Variants in ANKS1B observed in about 807,000 individuals in gnomAD.
ANKS1B encodes ankyrin repeat and sterile alpha motif domain containing 1B, also known as ankyrin repeat and sterile alpha motif domain-containing protein 1B.
Under a neutral mutation model 148.3 loss-of-function variants are expected in ANKS1B, and 36 were observed. That is an observed-to-expected ratio of 0.24 (90% CI 0.19 to 0.32). ANKS1B has a LOEUF of 0.32. Ranked by LOEUF, ANKS1B falls within the 10% of genes least tolerant of loss-of-function variation. ANKS1B has a pLI of 1.00. For synonymous variants in ANKS1B, 542 were observed against 560.8 expected (o/e 0.97, Z 0.47); for missense variants, 1,157 against 1,542.6 (o/e 0.75, Z 4.19).
At chr12:99,534,260 A>T (rs2097036752) in intron 9 of ANKS1B, among the ~76,000 whole-genome samples, 1 of 152,258 alleles carries the variant, frequency 6.6e-6, no homozygotes, top group Non-Finnish European at 1.5e-5. Flanking sequence ...TGAGAAGTGA[A>T]GTGCTCATAG....
At chr12:98,967,751 TAA>T (rs544792811) in intron 17 of ANKS1B, among the ~76,000 whole-genome samples, 3,270 of 81,270 alleles carry the variant, frequency 0.04, 99 homozygotes, top group African/African-American at 0.092. Flanking sequence ...CAGACAAATC[TAA>T]AAAAAAAAAA....
chr12:99,014,572 CAGAGT>C (rs1290590491), intron 17 of ANKS1B, among the ~76,000 whole-genome samples: 1 of 152,124 alleles, frequency 6.6e-6, no homozygotes, highest in Non-Finnish European at 1.5e-5. Context: ...AAACTATCAA[CAGAGT>C]AAACAGATAA....
chr12:99,692,977 T>C (rs1419537064), intron 8 of ANKS1B, among the ~76,000 whole-genome samples: 1 of 152,182 alleles, frequency 6.6e-6, no homozygotes, highest in African/African-American at 2.4e-5. Flanking sequence ...AAAGCAAAAG[T>C]ACTGGATGTA....
intron 12 of ANKS1B, among the ~76,000 whole-genome samples, chr12:99,387,623 A>C (rs967724078): frequency 2.6e-5 from 4 of 151,764 alleles, no homozygotes; most frequent in Non-Finnish European, 5.9e-5. Flanking sequence ...AAGAAGAAGA[A>C]GCCCAAGGGA....
chr12:99,465,442 G>C lies in ANKS1B; in HGVS notation c.1439-21633C>G, dbSNP rs529236037. Among the ~76,000 whole-genome samples the C allele has an allele frequency of 2.6e-5, 4 of 152,142 alleles. No homozygotes were observed. In the East Asian group the frequency reaches 5.8e-4, roughly 22 times the overall value. ...GACAGGATCAAATTCAAACATAACA[G>C]TATTAACTTTAAATGTAAATGGACT... On this transcript the variant is annotated intron_variant, in intron 10 of 26. Coordinates refer to ENST00000683438, the MANE Select transcript of ANKS1B (RefSeq NM_001352186.2).
chr12:98,760,937 G>C (rs2098391861), intron 25 of ANKS1B, among the ~76,000 whole-genome samples: 1 of 152,188 alleles, frequency 6.6e-6, no homozygotes, highest in Non-Finnish European at 1.5e-5. Flanking sequence ...TCATAATGAT[G>C]ATAAAGCAGT....
At chr12:99,906,138 TAGG>T (rs1380265468) in intron 1 of ANKS1B, among the ~76,000 whole-genome samples, 1 of 152,202 alleles carries the variant, frequency 6.6e-6, no homozygotes, top group Non-Finnish European at 1.5e-5. Context: ...CAGAAATTCT[TAGG>T]AGTAGACCAG....
chr12:99,948,475 G>C (rs1226110613), intron 1 of ANKS1B, among the ~76,000 whole-genome samples: 1 of 151,884 alleles, frequency 6.6e-6, no homozygotes, highest in Non-Finnish European at 1.5e-5. Flanking sequence ...TAGATACAAA[G>C]AAACATATTC....
At chr12:99,133,674 G>C (rs1488648477) in intron 15 of ANKS1B, among the ~76,000 whole-genome samples, 1 of 152,144 alleles carries the variant, frequency 6.6e-6, no homozygotes, top group Non-Finnish European at 1.5e-5. Context: ...AGAAGTCCAA[G>C]GCAAGAAAAG....
intron 12 of ANKS1B, among the ~76,000 whole-genome samples, chr12:99,324,387 C>T (rs1175398035): frequency 2.0e-5 from 3 of 152,106 alleles, no homozygotes; most frequent in African/African-American, 7.2e-5. Context: ...CAAACTCAGG[C>T]AGTCTGTAGT....
intron 15 of ANKS1B, among the ~76,000 whole-genome samples, chr12:99,112,557 C>A (rs1013382606): frequency 6.6e-5 from 10 of 151,928 alleles, no homozygotes; most frequent in African/African-American, 2.4e-4. Context: ...GTTATTCATT[C>A]TTGGAAGGTC....
At chr12:98,826,842 T>C (rs1215864936) in intron 19 of ANKS1B, among the ~76,000 whole-genome samples, 2 of 152,168 alleles carry the variant, frequency 1.3e-5, no homozygotes, top group Non-Finnish European at 2.9e-5. Flanking sequence ...AATTCAAGTC[T>C]TTAGGAAGAC....
chr12:99,022,504 T>C (rs1456765240), intron 17 of ANKS1B, among the ~76,000 whole-genome samples: 1 of 152,198 alleles, frequency 6.6e-6, no homozygotes, highest in Non-Finnish European at 1.5e-5. Context: ...TCCTTTACAA[T>C]CTCTATACTG....
chr12:99,529,558 GA>G (rs1190291971), intron 9 of ANKS1B, among the ~76,000 whole-genome samples: 1 of 151,262 alleles, frequency 6.6e-6, no homozygotes, highest in African/African-American at 2.5e-5. Flanking sequence ...GAGGCTGAGG[GA>G]GGAGAATCAC....
chr12:99,128,975 T>G lies in ANKS1B; in HGVS notation c.2526+25314A>C, dbSNP rs113567914. ...AGAATGGCCTATGTCTAATTCTACA[T>G]GCAGGAGGATGGAGCAGGTGGGGCC... On this transcript the variant is annotated intron_variant, in intron 15 of 26. Coordinates refer to ENST00000683438, the MANE Select transcript of ANKS1B (RefSeq NM_001352186.2). 5.2e-3 allele frequency among the ~76,000 whole-genome samples: 795 copies of G among 152,326 alleles called. 9 individuals are homozygous for G. Among genetic ancestry groups the G allele is most frequent in the African/African-American group, 0.018 (749 of 41,582 alleles).
intron 8 of ANKS1B, among the ~76,000 whole-genome samples, chr12:99,760,513 C>T (rs980056144): frequency 4.0e-5 from 6 of 151,600 alleles, no homozygotes; most frequent in Admixed American, 2.0e-4. Flanking sequence ...CTAAAACAGA[C>T]GTAACATACC....
At chr12:99,951,570 T>G (rs1175514620) in intron 1 of ANKS1B, among the ~76,000 whole-genome samples, 1 of 152,160 alleles carries the variant, frequency 6.6e-6, no homozygotes, top group Non-Finnish European at 1.5e-5. Context: ...GGCTGGCTGT[T>G]AGCTGAATTT....
chr12:99,411,400 T>C (rs956818121), intron 11 of ANKS1B, among the ~76,000 whole-genome samples: 6 of 152,250 alleles, frequency 3.9e-5, no homozygotes, highest in Non-Finnish European at 8.8e-5. Context: ...TCTTTATGGC[T>C]GCATAGTATT....
chr12:99,389,202 C>T (rs988460704), intron 12 of ANKS1B, among the ~76,000 whole-genome samples: 1 of 152,188 alleles, frequency 6.6e-6, no homozygotes, highest in African/African-American at 2.4e-5. Flanking sequence ...ATGTCTGGAA[C>T]AAGTTCTGTT....
Sources: allele counts gnomAD v4.1 joint callset (sites outside exome capture counted in the v4.1 genomes callset), GRCh38; gene constraint gnomAD v4.1.1; transcripts MANE v1.5; gene names NCBI Gene and HGNC (gene_info 2026-07-23, HGNC 2026-07-21).